GSR: variants seen among roughly 807,000 people sequenced by gnomAD.
The protein encoded by GSR is glutathione-disulfide reductase, also known as glutathione reductase, mitochondrial.
Under a neutral mutation model 56.5 loss-of-function variants are expected in GSR, and 48 were observed. The observed-to-expected ratio is 0.85, with a 90% CI of 0.67 to 1.08. GSR has a LOEUF of 1.08. Ranked by LOEUF, GSR falls within the 50% of genes least tolerant of loss-of-function variation. GSR has a pLI of 0.00. For synonymous variants in GSR, 264 were observed against 270.8 expected (o/e 0.97, Z 0.25); for missense variants, 694 against 703.3 (o/e 0.99, Z 0.15).
At chr8:30,720,936 C>T (rs1328336900) in intron 1 of GSR, among the ~76,000 whole-genome samples, 1 of 151,968 alleles carries the variant, frequency 6.6e-6, no homozygotes, top group African/African-American at 2.4e-5. Context: ...GGAGCCTGGA[C>T]AACACAGCGA....
chr8:30,714,050 T>C (rs755424554), intron 1 of GSR, among the ~76,000 whole-genome samples: 8 of 152,186 alleles, frequency 5.3e-5, no homozygotes, highest in Non-Finnish European at 8.8e-5. Context: ...AAAAAGAAAG[T>C]TGCAGAATAG....
chr8:30,723,781 CAA>C (rs1804631441), intron 1 of GSR, among the ~76,000 whole-genome samples: 2 of 34,738 alleles, frequency 5.8e-5, no homozygotes, highest in South Asian at 1.4e-3. Flanking sequence ...GACAGAGCAA[CAA>C]ACACACACAC....
chr8:30,722,572 A>T (rs1804578637), intron 1 of GSR, among the ~76,000 whole-genome samples: 1 of 151,776 alleles, frequency 6.6e-6, no homozygotes, highest in South Asian at 2.1e-4. Flanking sequence ...CTAAAAATTT[A>T]AAAAATCAGC....
intron 1 of GSR, among the ~76,000 whole-genome samples, chr8:30,718,808 G>A (rs1804429297): frequency 6.6e-6 from 1 of 152,126 alleles, no homozygotes; most frequent in Non-Finnish European, 1.5e-5. Context: ...GGAGTGTGCA[G>A]TGACACAATC....
chr8:30,696,926 T>G (rs1458015503), intron 6 of GSR, among the ~76,000 whole-genome samples: 4 of 152,166 alleles, frequency 2.6e-5, no homozygotes, highest in African/African-American at 7.2e-5. Flanking sequence ...TCTTAGCTCC[T>G]GGGCTCAAGC....
intron 2 of GSR, among the ~76,000 whole-genome samples, chr8:30,710,760 G>GA (rs1232021953): frequency 9.5e-5 from 6 of 63,040 alleles, no homozygotes; most frequent in African/African-American, 4.7e-4. Flanking sequence ...AGAAAAAAAA[G>GA]AAAAAAAAAT....
Position 30,687,647 on chromosome 8 carries a change from AAAAC to A in GSR, c.1041+1510_1041+1513del, listed in dbSNP as rs201971263. 715 of 152,124 alleles carry A rather than the reference AAAAC, an allele frequency of 4.7e-3. 8 individuals are homozygous for A. The highest frequency in any genetic ancestry group is 0.014 in the African/African-American group (579 of 41,382). 9.4% of individuals were successfully genotyped at this position (152,124 alleles called of 1,614,324 possible). A position where few individuals can be genotyped will look rare whatever the true frequency, so the allele number is the denominator to read the frequency against. On this transcript the variant is annotated intron_variant, in intron 9 of 12. Transcript: ENST00000221130. ...GGGCAACACGGCAAGACTCTGTCTC[AAAAC>A]AAACAAACAAACAAACAAACAAACA... is the stretch of plus-strand genomic sequence containing the variant.
intron 12 of GSR, among the ~76,000 whole-genome samples, chr8:30,680,450 A>G (rs1233258252): frequency 1.5e-5 from 2 of 129,870 alleles, no homozygotes; most frequent in Admixed American, 9.3e-5. Flanking sequence ...GCTGGAGGGC[A>G]GTAGCATGAT....
intron 1 of GSR, 119 bp from the exon 2 acceptor site, chr8:30,712,207 G>A (rs941199235): frequency 3.2e-6 from 2 of 626,456 alleles, no homozygotes; most frequent in Non-Finnish European, 5.9e-6. Context: ...CTAAGTCACA[G>A]TGTACTAAAT....
intron 1 of GSR, among the ~76,000 whole-genome samples, chr8:30,718,653 T>C (rs564964292): frequency 6.6e-6 from 1 of 152,312 alleles, no homozygotes; most frequent in African/African-American, 2.4e-5. Context: ...CTCAGGGCTC[T>C]GGTTGCCCAG....
At chr8:30,692,933 TG>T in intron 8 of GSR, 35 bp downstream of exon 8, 5 of 1,306,098 alleles carry the variant, frequency 3.8e-6, no homozygotes, top group Non-Finnish European at 3.3e-6. Flanking sequence ...TGTGATTGAC[TG>T]GGGGCCGCGT....
intron 5 of GSR, among the ~76,000 whole-genome samples, chr8:30,701,109 T>C (rs576417911): frequency 2.2e-4 from 34 of 152,294 alleles, no homozygotes; most frequent in African/African-American, 7.9e-4. Flanking sequence ...AGACAAAGCC[T>C]TCAGTTGTCA....
intron 7 of GSR, among the ~76,000 whole-genome samples, chr8:30,695,766 T>A (rs542312139): frequency 3.3e-5 from 5 of 152,188 alleles, no homozygotes; most frequent in Non-Finnish European, 4.4e-5. Context: ...CTGGCGGGGC[T>A]TGGTGGCTCA....
At chr8:30,715,024 C>A (rs766785241) in intron 1 of GSR, among the ~76,000 whole-genome samples, 9 of 151,980 alleles carry the variant, frequency 5.9e-5, no homozygotes, top group Admixed American at 1.3e-4. Flanking sequence ...GCCTGTAATC[C>A]CCACGCTTTG....
At chr8:30,706,508 TAAACAAACAAAC>T (rs200701480) in intron 4 of GSR, among the ~76,000 whole-genome samples, 3 of 149,458 alleles carry the variant, frequency 2.0e-5, no homozygotes, top group African/African-American at 2.5e-5. Context: ...GTTTCACAAA[TAAACAAACAAAC>T]AAACAAACAA....
intron 5 of GSR, among the ~76,000 whole-genome samples, chr8:30,700,845 A>T (rs1476185595): frequency 6.6e-6 from 1 of 152,034 alleles, no homozygotes; most frequent in African/African-American, 2.4e-5. Context: ...TATATAGTGA[A>T]ATATACATGT....
chr8:30,693,899 G>A (rs570497152), intron 7 of GSR, among the ~76,000 whole-genome samples: 1 of 152,198 alleles, frequency 6.6e-6, no homozygotes, highest in African/African-American at 2.4e-5. Context: ...TTTGGGATGG[G>A]AGAGGGCAGG....
At chr8:30,694,125 T>C (rs554831981) in intron 7 of GSR, among the ~76,000 whole-genome samples, 50 of 152,312 alleles carry the variant, frequency 3.3e-4, no homozygotes, top group African/African-American at 1.2e-3. Context: ...CTCAATCTCC[T>C]GGAGCTAATT....
At position 30,703,017 on chromosome 8, in the gene GSR, C is replaced by T; in HGVS notation, c.640+76G>A. 3.4e-6 allele frequency: 5 copies of T among 1,468,746 alleles called. No individual in the cohort carries two copies. The South Asian group carries it at 4.5e-5, about 13-fold the overall frequency. 91.0% of individuals were successfully genotyped at this position (1,468,746 alleles called of 1,614,324 possible). A position where few individuals can be genotyped will look rare whatever the true frequency, so the allele number is the denominator to read the frequency against. On this transcript the variant is annotated intron_variant, in intron 5 of 12. Transcript: ENST00000221130. ...AGAGAGAACTGGTTTAGGCAGATCC[C>T]CTGGCATGGCTTTTCAGGTTGAAAG... is the stretch of plus-strand genomic sequence containing the variant.
Sources: allele counts gnomAD v4.1 joint callset (sites outside exome capture counted in the v4.1 genomes callset), GRCh38; gene constraint gnomAD v4.1.1; transcripts MANE v1.5; gene names NCBI Gene and HGNC (gene_info 2026-07-23, HGNC 2026-07-21).